Variants in ANXA8 observed in about 807,000 individuals in gnomAD.
ANXA8 encodes the protein annexin A8.
A neutral mutation model predicts 26.8 loss-of-function variants in ANXA8; 9 were observed. The observed-to-expected ratio is 0.34, with a 90% CI of 0.20 to 0.59. ANXA8 has a LOEUF of 0.59. ANXA8 is among the 20% of genes least tolerant of loss of function. The probability of loss-of-function intolerance (pLI) is 0.84; values close to 1 mark genes in which losing one functional copy is unlikely to be tolerated. For synonymous variants in ANXA8, 39 were observed against 94.8 expected (o/e 0.41, Z 3.42); for missense variants, 83 against 238.5 (o/e 0.35, Z 4.29).
the ANXA8 span, among the ~76,000 whole-genome samples, chr10:47,655,498 AAG>A: frequency 1.3e-5 from 2 of 150,030 alleles, no homozygotes; most frequent in African/African-American, 4.9e-5. Context: ...AGAGTGTTTG[AAG>A]TGATGGGCCA....
the ANXA8 span, among the ~76,000 whole-genome samples, chr10:47,968,024 C>T: frequency 1.6e-4 from 24 of 151,336 alleles, 1 homozygote; most frequent in Non-Finnish European, 2.5e-4. Flanking sequence ...ACACTTCCCA[C>T]AGAACAGAAA....
At chr10:47,755,525 G>A in the ANXA8 span, among the ~76,000 whole-genome samples, 3 of 148,340 alleles carry the variant, frequency 2.0e-5, no homozygotes, top group African/African-American at 7.5e-5. Context: ...AAAGTGCTGG[G>A]ATTACAGGTG....
chr10:47,491,755 AGGCTCTGG>A, the ANXA8 span: 11 of 1,545,222 alleles, frequency 7.1e-6, no homozygotes, highest in South Asian at 1.3e-4. Context: ...GTGCCTATCT[AGGCTCTGG>A]GGCAATAAGC....
the ANXA8 span, among the ~76,000 whole-genome samples, chr10:47,522,062 C>T: frequency 6.6e-6 from 1 of 150,732 alleles, no homozygotes; most frequent in Non-Finnish European, 1.5e-5. Context: ...GCTGGGATTA[C>T]AGGCGTGAGC....
Position 47,468,878 on chromosome 10 carries a change from G to A in ANXA8, c.953C>T (p.Ala318Val). ...MEDTSGDYKN[A>V]LLSLVGSDP Reference sequence around the variant, plus strand: ...GTCGCTGCCCACCAGGCTCAGCAGGGCGTTCTTGTAGTCACCGCTGGTGTC... The same window carrying A: ...GTCGCTGCCCACCAGGCTCAGCAGGACGTTCTTGTAGTCACCGCTGGTGTC... The change falls in exon 12 of 12, where the codon GCC (alanine) becomes GTC (valine). Residue 318 changes from alanine (A) to valine (V), a missense_variant. By Grantham distance (64) the Ala-to-Val change is moderately conservative (BLOSUM62 0). Coordinates refer to ENST00000585281, the MANE Select transcript of ANXA8 (RefSeq NM_001040084.3). The A allele has an allele frequency of 6.2e-7, 1 of 1,611,212 alleles. No individual in the cohort carries two copies.
At chr10:47,520,827 C>A in the ANXA8 span, among the ~76,000 whole-genome samples, 2 of 106,518 alleles carry the variant, frequency 1.9e-5, no homozygotes, top group South Asian at 2.8e-4. Flanking sequence ...ACAATGACAC[C>A]CTCCTTTATT....
In ANXA8 at chr10:47,468,965, G is replaced by C. The variant is rs1462919368; in HGVS notation, c.925-59C>G. 1.3e-4 allele frequency: 210 copies of C among 1,584,310 alleles called. 3 individuals carry two copies. The East Asian group carries it at 4.9e-3, about 37-fold the overall frequency. On this transcript the variant is annotated intron_variant, in intron 11 of 11. Coordinates refer to ENST00000585281, the MANE Select transcript of ANXA8 (RefSeq NM_001040084.3). ...GTTTGCTTGTGCCTGGCTCGGCAGT[G>C]GCGGCTGTGTTATTATGACTAAGAG...
chr10:47,735,396 T>C, the ANXA8 span, among the ~76,000 whole-genome samples: 1 of 148,644 alleles, frequency 6.7e-6, no homozygotes, highest in Non-Finnish European at 1.5e-5. Flanking sequence ...CACCAGGCCG[T>C]TTCTTTTTTT....
the ANXA8 span, among the ~76,000 whole-genome samples, chr10:47,907,749 C>A: frequency 8.0e-6 from 1 of 125,422 alleles, no homozygotes. Context: ...GCCTGGGCAA[C>A]AAGGTGAGAC....
the ANXA8 span, among the ~76,000 whole-genome samples, chr10:47,547,335 A>C: frequency 1.4e-5 from 2 of 142,612 alleles, 1 homozygote; most frequent in Non-Finnish European, 3.1e-5. Context: ...GATATATTAC[A>C]TGAAAAAAGC....
At position 47,476,590 on chromosome 10, in the gene ANXA8, T is replaced by A. The variant is rs1222674075; in HGVS notation, c.322-268A>T. ...ATGTCCTGGAGCCTAAGCATCCCGA[T>A]CCATAAACAGGAATAAGAAGCCTCC... On this transcript the variant is annotated intron_variant, in intron 4 of 11. Coordinates refer to ENST00000585281, the MANE Select transcript of ANXA8 (RefSeq NM_001040084.3). 1.7e-4 allele frequency among the ~76,000 whole-genome samples: 15 copies of A among 85,870 alleles called. 2 individuals are homozygous for A. The highest frequency in any genetic ancestry group is 6.0e-4 in the African/African-American group (14 of 23,254). 56.3% of individuals were successfully genotyped at this position (85,870 alleles called of 152,430 possible).
At chr10:47,916,656 C>T in the ANXA8 span, among the ~76,000 whole-genome samples, 21 of 136,860 alleles carry the variant, frequency 1.5e-4, no homozygotes, top group African/African-American at 5.3e-4. Flanking sequence ...CATGCTTCTG[C>T]CTGGCAAGGG....
the ANXA8 span, among the ~76,000 whole-genome samples, chr10:47,639,844 C>G: frequency 7.0e-6 from 1 of 142,434 alleles, no homozygotes; most frequent in Non-Finnish European, 1.5e-5. Context: ...GTGGCATTAT[C>G]TCGACTCACT....
the ANXA8 span, chr10:47,590,036 C>CTGT: frequency 2.1e-5 from 3 of 146,128 alleles, no homozygotes; most frequent in Admixed American, 2.0e-4. Flanking sequence ...CCCATTCCCC[C>CTGT]CTGACAGGGG....
the ANXA8 span, among the ~76,000 whole-genome samples, chr10:47,645,554 A>G: frequency 6.6e-6 from 1 of 151,280 alleles, no homozygotes; most frequent in Non-Finnish European, 1.5e-5. Context: ...AGAAAGAAGA[A>G]GAAAAGAGAA....
At chr10:47,652,846 A>T in the ANXA8 span, among the ~76,000 whole-genome samples, 1 of 149,016 alleles carries the variant, frequency 6.7e-6, no homozygotes, top group Admixed American at 6.6e-5. Flanking sequence ...ATATCAATTG[A>T]AGGGTTTTAA....
chr10:47,563,570 C>G, the ANXA8 span: 4 of 781,130 alleles, frequency 5.1e-6, no homozygotes, highest in Admixed American at 5.4e-5. Flanking sequence ...TCTTTCTCAC[C>G]CACCCCAACA....
chr10:47,592,454 G>T, the ANXA8 span, among the ~76,000 whole-genome samples: 1 of 148,450 alleles, frequency 6.7e-6, no homozygotes, highest in East Asian at 1.9e-4. Context: ...CATCACCAGT[G>T]CTGTGTGATT....
At chr10:47,696,110 A>G in the ANXA8 span, among the ~76,000 whole-genome samples, 2 of 151,868 alleles carry the variant, frequency 1.3e-5, no homozygotes, top group African/African-American at 4.8e-5. Flanking sequence ...AGAAATATAC[A>G]TGATAACATT....
Sources: gnomAD v4.1 joint callset for allele counts (sites outside exome capture counted in the v4.1 genomes callset) on GRCh38, gnomAD v4.1.1 for gene constraint, MANE v1.5 for transcripts, NCBI Gene and HGNC (gene_info 2026-07-23, HGNC 2026-07-21) for gene names.